ATP11C: variants seen among roughly 807,000 people sequenced by gnomAD.
ATP11C encodes the protein phospholipid-transporting ATPase IG.
A neutral mutation model predicts 97.4 loss-of-function variants in ATP11C; 36 were observed. That is an observed-to-expected ratio of 0.37 (90% CI 0.28 to 0.49). ATP11C has a LOEUF of 0.49. Among genes scored for constraint, ATP11C ranks in the 20% least tolerant of loss-of-function variants. ATP11C has a pLI of 0.98. For missense variants in ATP11C, 730 were observed against 824.6 expected, an observed-to-expected ratio of 0.89 and a Z score of 1.40; for synonymous variants, 275 against 290.9, an observed-to-expected ratio of 0.95 and a Z score of 0.56.
intron 1 of ATP11C, among the ~76,000 whole-genome samples, chrX:139,930,944 A>T (rs1375555181): frequency 8.9e-6 from 1 of 112,577 alleles, no homozygotes; most frequent in Non-Finnish European, 1.9e-5. Context: ...ACATGTTCTC[A>T]AAAGATATAT....
chrX:139,735,671 T>C (rs2081427972), intron 28 of ATP11C, among the ~76,000 whole-genome samples: 1 of 111,264 alleles, frequency 9.0e-6, no homozygotes, highest in African/African-American at 3.3e-5. Context: ...AATAGGGCCT[T>C]ATATAAACAG....
chrX:139,886,578 C>A (rs1193282344), intron 1 of ATP11C, among the ~76,000 whole-genome samples: 2 of 88,305 alleles, frequency 2.3e-5, no homozygotes, highest in Non-Finnish European at 4.2e-5. Flanking sequence ...GAGCAAGACT[C>A]CATCTCAAAA....
intron 1 of ATP11C, among the ~76,000 whole-genome samples, chrX:139,889,012 T>C (rs2084688730): frequency 9.0e-6 from 1 of 111,467 alleles, no homozygotes; most frequent in South Asian, 3.8e-4. Flanking sequence ...TTCACCATTT[T>C]GGCCAGGCTG....
chrX:139,852,679 G>A (rs1377031685), intron 1 of ATP11C, among the ~76,000 whole-genome samples: 4 of 109,835 alleles, frequency 3.6e-5, no homozygotes, highest in Non-Finnish European at 5.7e-5. Flanking sequence ...AAGTCCTACT[G>A]CAGGATGGAG....
chrX:139,904,235 C>A, intron 1 of ATP11C, among the ~76,000 whole-genome samples: 1 of 111,783 alleles, frequency 8.9e-6, no homozygotes, highest in East Asian at 2.8e-4. Flanking sequence ...AACTAAAACA[C>A]GCATGCTTTT....
chrX:139,894,741 A>G (rs2084780098), intron 1 of ATP11C, among the ~76,000 whole-genome samples: 1 of 112,380 alleles, frequency 8.9e-6, no homozygotes, highest in Non-Finnish European at 1.9e-5. Context: ...TATTACAGGT[A>G]TCCCAAAATA....
intron 18 of ATP11C, among the ~76,000 whole-genome samples, chrX:139,780,552 C>T (rs900182940): frequency 6.5e-5 from 7 of 107,961 alleles, no homozygotes; most frequent in African/African-American, 2.0e-4. Context: ...ATCAAAGAAA[C>T]ATACCTCAAA....
At chrX:139,885,442 TA>T (rs2084626609) in intron 1 of ATP11C, 1 of 111,395 alleles carries the variant, frequency 9.0e-6, no homozygotes, top group Non-Finnish European at 1.9e-5. Flanking sequence ...TTTGATAGCC[TA>T]AAAGACCAAA....
Position 139,831,228 on chromosome X carries a change from A to T in ATP11C, c.28-4405T>A, listed in dbSNP as rs764385637. Among the ~76,000 whole-genome samples, 4 of 111,512 alleles carry T rather than the reference A, an allele frequency of 3.6e-5. No homozygotes were observed. The South Asian group carries it at 1.5e-3, about 42-fold the overall frequency. Reference sequence around the variant, plus strand: ...TGTGTTGTTCTGCCTTTAAAGCTTAATTACAGTCATATTAACTGAAATTCT... The same window carrying T: ...TGTGTTGTTCTGCCTTTAAAGCTTATTTACAGTCATATTAACTGAAATTCT... On this transcript the variant is annotated intron_variant, in intron 1 of 29. Transcript: ENST00000682941.
intron 1 of ATP11C, among the ~76,000 whole-genome samples, chrX:139,914,569 T>C (rs896207939): frequency 1.3e-4 from 15 of 112,248 alleles, no homozygotes; most frequent in African/African-American, 4.9e-4. Flanking sequence ...AGATTAACAT[T>C]TGAATCAGAA....
At chrX:139,903,703 G>A (rs181544079) in intron 1 of ATP11C, among the ~76,000 whole-genome samples, 5 of 110,102 alleles carry the variant, frequency 4.5e-5, no homozygotes, top group East Asian at 5.7e-4. Context: ...TCTGCAAACC[G>A]GGAAGAGTGC....
At chrX:139,786,530 T>A (rs984274038) in intron 15 of ATP11C, among the ~76,000 whole-genome samples, 1 of 111,867 alleles carries the variant, frequency 8.9e-6, no homozygotes, top group African/African-American at 3.2e-5. Context: ...ATATTACAGG[T>A]TTCTGAGATG....
upstream of ATP11C, among the ~76,000 whole-genome samples, chrX:139,935,915 G>A (rs766146383): frequency 1.2e-4 from 13 of 110,217 alleles, no homozygotes; most frequent in South Asian, 5.1e-3. Context: ...AGAATCACTC[G>A]AACCCGGGAG....
chrX:139,920,343 TCCA>T (rs1275369982), intron 1 of ATP11C, among the ~76,000 whole-genome samples: 1 of 87,002 alleles, frequency 1.1e-5, no homozygotes, highest in East Asian at 3.5e-4. Flanking sequence ...GGTGACAGAC[TCCA>T]CCTCAAAAAA....
At chrX:139,870,913 G>A (rs747855229) in intron 1 of ATP11C, among the ~76,000 whole-genome samples, 16 of 108,505 alleles carry the variant, frequency 1.5e-4, no homozygotes, top group South Asian at 4.1e-4. Flanking sequence ...AAAATTAGCC[G>A]GGCGCGGTGG....
intron 1 of ATP11C, among the ~76,000 whole-genome samples, chrX:139,906,942 C>G (rs1164768880): frequency 2.7e-5 from 3 of 111,421 alleles, no homozygotes; most frequent in Admixed American, 1.9e-4. Context: ...TTAAAACCAA[C>G]CATGCATTCT....
intron 19 of ATP11C, among the ~76,000 whole-genome samples, chrX:139,769,998 C>T (rs892399738): frequency 9.0e-6 from 1 of 111,550 alleles, no homozygotes; most frequent in African/African-American, 3.3e-5. Context: ...ACATTTTATA[C>T]TTACAAATAT....
chrX:139,757,092 T>C (rs1224240904), intron 23 of ATP11C, among the ~76,000 whole-genome samples: 1 of 109,435 alleles, frequency 9.1e-6, no homozygotes, highest in Non-Finnish European at 1.9e-5. Flanking sequence ...GAAGCATATA[T>C]AAAGCTTGCC....
At chrX:139,922,837 G>C (rs1698692209) in intron 1 of ATP11C, among the ~76,000 whole-genome samples, 1 of 111,530 alleles carries the variant, frequency 9.0e-6, no homozygotes. Context: ...ACTCAGGCTG[G>C]AGTGCAGTGG....
Sources: gnomAD v4.1 joint callset for allele counts (sites outside exome capture counted in the v4.1 genomes callset) on GRCh38, gnomAD v4.1.1 for gene constraint, MANE v1.5 for transcripts, NCBI Gene and HGNC (gene_info 2026-07-23, HGNC 2026-07-21) for gene names.